Variants in CTNNBL1 observed in about 807,000 individuals in gnomAD.
The protein encoded by CTNNBL1 is catenin beta like 1.
A neutral mutation model predicts 72.7 loss-of-function variants in CTNNBL1; 31 were observed. That is an observed-to-expected ratio of 0.43 (90% CI 0.32 to 0.58). CTNNBL1 has a LOEUF of 0.58. CTNNBL1 is among the 20% of genes least tolerant of loss of function. The pLI is 0.08. For missense variants in CTNNBL1, 534 were observed against 725.1 expected (o/e 0.74, Z 3.03); for synonymous variants, 240 against 267.3 (o/e 0.90, Z 1.00).
intron 1 of CTNNBL1, among the ~76,000 whole-genome samples, chr20:37,712,703 G>A (rs933814847): frequency 1.2e-4 from 18 of 152,222 alleles, no homozygotes; most frequent in African/African-American, 3.4e-4. Flanking sequence ...TGTCTCTGCT[G>A]GATCTCCACT....
chr20:37,793,941 CAGCTAATTTTTGTATTTTT>C (rs757878649), intron 10 of CTNNBL1, among the ~76,000 whole-genome samples: 1 of 151,678 alleles, frequency 6.6e-6, no homozygotes, highest in Non-Finnish European at 1.5e-5. Context: ...CCACCACGCC[CAGCTAATTTTTGTATTTTT>C]AGTAGAGACG....
At chr20:37,867,116 C>T (rs2072542776) in intron 15 of CTNNBL1, among the ~76,000 whole-genome samples, 2 of 152,234 alleles carry the variant, frequency 1.3e-5, no homozygotes, top group South Asian at 4.1e-4. Context: ...TATTCTACTT[C>T]TGGAGAAGCG....
chr20:37,700,235 G>A (rs1396530346), intron 1 of CTNNBL1, among the ~76,000 whole-genome samples: 3 of 152,074 alleles, frequency 2.0e-5, no homozygotes, highest in East Asian at 1.9e-4. Context: ...GAGACTGAGC[G>A]ATATGACTTC....
chr20:37,821,034 C>T (rs1025868236), intron 11 of CTNNBL1, among the ~76,000 whole-genome samples: 1 of 152,210 alleles, frequency 6.6e-6, no homozygotes, highest in Non-Finnish European at 1.5e-5. Flanking sequence ...CCTGTTTCCA[C>T]CTAGCCTAAA....
intron 15 of CTNNBL1, among the ~76,000 whole-genome samples, chr20:37,862,841 A>T (rs1451116100): frequency 1.3e-5 from 2 of 152,058 alleles, no homozygotes; most frequent in Non-Finnish European, 2.9e-5. Flanking sequence ...CTCCGAACTC[A>T]ACCTTGAATC....
chr20:37,822,454 T>A (rs1473733474), intron 11 of CTNNBL1, among the ~76,000 whole-genome samples: 1 of 152,254 alleles, frequency 6.6e-6, no homozygotes, highest in African/African-American at 2.4e-5. Context: ...ACAAGTAGAA[T>A]TTGTTTCACA....
chr20:37,865,683 G>A (rs2072531383), intron 15 of CTNNBL1, among the ~76,000 whole-genome samples: 1 of 152,180 alleles, frequency 6.6e-6, no homozygotes, highest in Non-Finnish European at 1.5e-5. Flanking sequence ...TGTGCCAAGG[G>A]TTGCAGTGGA....
intron 6 of CTNNBL1, among the ~76,000 whole-genome samples, chr20:37,765,695 T>C (rs1222858100): frequency 6.6e-6 from 1 of 152,192 alleles, no homozygotes; most frequent in Non-Finnish European, 1.5e-5. Context: ...TTTTGGACCA[T>C]TCTGTACCTT....
At chr20:37,870,621 C>G (rs2072576009) in intron 15 of CTNNBL1, among the ~76,000 whole-genome samples, 1 of 152,354 alleles carries the variant, frequency 6.6e-6, no homozygotes, top group African/African-American at 2.4e-5. Context: ...ATCCAGGCCA[C>G]TGTCACGTCG....
intron 7 of CTNNBL1, among the ~76,000 whole-genome samples, chr20:37,771,375 C>T (rs2122675604): frequency 6.6e-6 from 1 of 152,294 alleles, no homozygotes; most frequent in South Asian, 2.1e-4. Context: ...TGTGGACCTT[C>T]TTGTTAACCA....
At chr20:37,724,582 A>G (rs775877665) in intron 1 of CTNNBL1, among the ~76,000 whole-genome samples, 1 of 152,138 alleles carries the variant, frequency 6.6e-6, no homozygotes, top group Non-Finnish European at 1.5e-5. Context: ...AAGCCCTGGC[A>G]TATGCCTGGG....
At chr20:37,832,929 A>G (rs2072223789) in intron 11 of CTNNBL1, among the ~76,000 whole-genome samples, 1 of 152,140 alleles carries the variant, frequency 6.6e-6, no homozygotes, top group South Asian at 2.1e-4. Context: ...ATTTGGGTGT[A>G]CTAGATCAAG....
chr20:37,842,893 C>T (rs756263288), intron 13 of CTNNBL1, among the ~76,000 whole-genome samples: 2 of 152,200 alleles, frequency 1.3e-5, no homozygotes, highest in African/African-American at 2.4e-5. Context: ...ACCTAGAGAA[C>T]GGAAGCTCAG....
intron 1 of CTNNBL1, among the ~76,000 whole-genome samples, chr20:37,698,032 C>G (rs1372760068): frequency 6.6e-6 from 1 of 152,194 alleles, no homozygotes; most frequent in Non-Finnish European, 1.5e-5. Context: ...GGGGTTGCCA[C>G]AGGCTAATTT....
chr20:37,848,055 G>A (rs1312485757), intron 13 of CTNNBL1, among the ~76,000 whole-genome samples: 7 of 151,866 alleles, frequency 4.6e-5, no homozygotes, highest in Non-Finnish European at 7.4e-5. Context: ...GGCTGCCATC[G>A]ATTCTTCTGC....
At position 37,860,486 on chromosome 20, in the gene CTNNBL1, C is replaced by T. The variant is rs1274499784; in HGVS notation, c.1603+142C>T. The T allele has an allele frequency of 7.2e-6, 5 of 694,130 alleles. No individual in the cohort carries two copies. The African/African-American group carries it at 8.8e-5, about 12-fold the overall frequency. 43.0% of individuals were successfully genotyped at this position (694,130 alleles called of 1,614,324 possible). ...AGTTGTTGTCCATTTCACTGTGTGT[C>T]CAGGTCGTCTTTGTCAGAATACGGA... On this transcript the variant is annotated intron_variant, in intron 15 of 15. Coordinates refer to ENST00000361383, the MANE Select transcript of CTNNBL1 (RefSeq NM_030877.5).
chr20:37,858,262 G>A (rs979887699), intron 13 of CTNNBL1, among the ~76,000 whole-genome samples: 6 of 152,194 alleles, frequency 3.9e-5, no homozygotes, highest in African/African-American at 1.2e-4. Flanking sequence ...GCATAGATGT[G>A]TACTGAGCTA....
In CTNNBL1 at chr20:37,708,904, C is replaced by T. The variant is rs1366892319; in HGVS notation, c.30+14752C>T. Among the ~76,000 whole-genome samples, 11 of 151,984 alleles carry T rather than the reference C, an allele frequency of 7.2e-5. No individual in the cohort carries two copies. In the South Asian group the frequency reaches 8.3e-4, roughly 11 times the overall value. On this transcript the variant is annotated intron_variant, in intron 1 of 15. Transcript: ENST00000361383. ...CTGTAATCCCAGCACTTTGGGACGC[C>T]GAGGTGGGCGAATTATGAGGTCAAG...
intron 10 of CTNNBL1, among the ~76,000 whole-genome samples, chr20:37,799,005 C>G (rs2073801464): frequency 6.6e-6 from 1 of 152,208 alleles, no homozygotes; most frequent in African/African-American, 2.4e-5. Context: ...GAATTTTCAT[C>G]TTAATACAAA....
Sources: allele counts gnomAD v4.1 joint callset (sites outside exome capture counted in the v4.1 genomes callset), GRCh38; gene constraint gnomAD v4.1.1; transcripts MANE v1.5; gene names NCBI Gene and HGNC (gene_info 2026-07-23, HGNC 2026-07-21).